DYNC2H1: variants seen among roughly 807,000 people sequenced by gnomAD.
DYNC2H1 encodes the protein dynein cytoplasmic 2 heavy chain 1.
A neutral mutation model predicts 570.0 loss-of-function variants in DYNC2H1; 410 were observed. The ratio of observed to expected loss-of-function variants is 0.72; its 90% CI spans 0.66 to 0.78. The LOEUF is 0.78. Among genes scored for constraint, DYNC2H1 ranks in the 30% least tolerant of loss-of-function variants. The pLI is 0.00. For synonymous variants in DYNC2H1, 1,688 were observed against 1,677.6 expected (o/e 1.01, Z -0.15); for missense variants, 4,865 against 5,046.4 (o/e 0.96, Z 1.09).
intron 82 of DYNC2H1, among the ~76,000 whole-genome samples, chr11:103,357,156 G>A (rs1314703782): frequency 6.6e-6 from 1 of 151,860 alleles, no homozygotes; most frequent in Non-Finnish European, 1.5e-5. Context: ...AGCATAGTTA[G>A]TACTATTCTC....
At chr11:103,408,774 A>G (rs188705510) in intron 84 of DYNC2H1, among the ~76,000 whole-genome samples, 13 of 152,168 alleles carry the variant, frequency 8.5e-5, no homozygotes, top group Admixed American at 7.2e-4. Context: ...TTATTGGGTC[A>G]ATATATGTTA....
In DYNC2H1 at chr11:103,211,973, A is replaced by T. The variant is rs189806258; in HGVS notation, c.8694+30A>T. 830 of 1,487,426 alleles carry T rather than the reference A, an allele frequency of 5.6e-4. 2 individuals are homozygous for T. Among genetic ancestry groups the T allele is most frequent in the Middle Eastern group, 3.2e-3 (15 of 4,646 alleles). The allele number at this position is 1,487,426 out of a possible 1,614,324, so 92.1% of individuals were successfully genotyped here. A position where few individuals can be genotyped will look rare whatever the true frequency, so the allele number is the denominator to read the frequency against. On this transcript the variant is annotated intron_variant, in intron 54 of 88. Transcript: ENST00000375735. ...AGTATTGGTAATCTTGAATTATTTT[A>T]TCTATATATAGGAAACAAGAGTTTT...
chr11:103,194,298 C>CT (rs57051548), intron 47 of DYNC2H1, among the ~76,000 whole-genome samples: 141,558 of 152,068 alleles, frequency 0.93, 65,935 homozygotes, highest in African/African-American at 0.94. Context: ...ATATACCACT[C>CT]TTTTTTTAAC....
In DYNC2H1 at chr11:103,189,791, G is replaced by A; in HGVS notation, c.7412G>A (p.Gly2471Glu). The A allele has an allele frequency of 6.2e-7, 1 of 1,610,634 alleles. No individual in the cohort carries two copies. The highest frequency in any genetic ancestry group is 1.3e-5 in the African/African-American group (1 of 74,866). Reference sequence around the variant, plus strand: ...TCATCAAAAATTTATCTTTTAGCAGGATCTATGGTACAAGTGTATGAACAG... The same window carrying A: ...TCATCAAAAATTTATCTTTTAGCAGAATCTATGGTACAAGTGTATGAACAG... ...GSSSKIYLLAGSMVQVYEQVR... is the reference protein window; with the variant it reads ...GSSSKIYLLAESMVQVYEQVR... Residue 2471 changes from glycine (G) to glutamate (E), a missense_variant, in exon 45 of 89, where the codon GGA becomes GAA. Physicochemically the swap from Gly to Glu is moderately conservative, Grantham distance 98. Around this residue, in one of 5 missense-constraint regions of DYNC2H1, gnomAD observed 2,401 missense variants for 2,454.6 expected, o/e 0.98. Coordinates refer to ENST00000375735, the MANE Select transcript of DYNC2H1 (RefSeq NM_001377.3). The surrounding 1 kb of genome is among the most constrained non-coding windows in gnomAD (Gnocchi z 4.3).
Position 103,396,223 on chromosome 11 carries a change from A to G in DYNC2H1, c.12157-3440A>G, listed in dbSNP as rs555734180. Among the ~76,000 whole-genome samples, 10 of 152,320 alleles carry G rather than the reference A, an allele frequency of 6.6e-5. No individual in the cohort carries two copies. The East Asian group carries it at 1.5e-3, about 24-fold the overall frequency. ...AGGACTCTGATGTTACCTAGACTCT[A>G]TATCAATCCCCATAACACCTTGTAC... is the stretch of plus-strand genomic sequence containing the variant. On this transcript the variant is annotated intron_variant, in intron 83 of 88. Coordinates refer to ENST00000375735, the MANE Select transcript of DYNC2H1 (RefSeq NM_001377.3).
intron 84 of DYNC2H1, chr11:103,404,481 C>A (rs1378552796): frequency 6.7e-6 from 1 of 149,168 alleles, no homozygotes; most frequent in Non-Finnish European, 1.5e-5. Context: ...GATAAGTGAG[C>A]CTACTGATGA....
Position 103,268,335 on chromosome 11 carries a change from A to G in DYNC2H1, c.10695+8358A>G, listed in dbSNP as rs1490668291. On this transcript the variant is annotated intron_variant, in intron 70 of 88. Transcript: ENST00000375735. The surrounding 1 kb of genome is among the most constrained non-coding windows in gnomAD (Gnocchi z 4.6). Reference sequence around the variant, plus strand: ...ATTGTTTTTAAAGTTGTTTATTTCTACCTTCTTCCCTTACCTTGTCATATT... The same window carrying G: ...ATTGTTTTTAAAGTTGTTTATTTCTGCCTTCTTCCCTTACCTTGTCATATT... Among the ~76,000 whole-genome samples the G allele has an allele frequency of 6.6e-6, 1 of 151,868 alleles. No individual in the cohort carries two copies. The highest frequency in any genetic ancestry group is 1.9e-4 in the East Asian group (1 of 5,198).
chr11:103,210,887 A>G (rs955851961), intron 53 of DYNC2H1, among the ~76,000 whole-genome samples: 1 of 152,086 alleles, frequency 6.6e-6, no homozygotes. Flanking sequence ...TTTGGATTCT[A>G]ACTTGCAGGT....
intron 88 of DYNC2H1, among the ~76,000 whole-genome samples, chr11:103,469,234 AAAC>A (rs1255135105): frequency 6.6e-6 from 1 of 152,250 alleles, no homozygotes; most frequent in Non-Finnish European, 1.5e-5. Flanking sequence ...TGGATGAAGA[AAAC>A]AATCTTAAAG....
At chr11:103,290,704 C>G (rs1387653336) in intron 75 of DYNC2H1, among the ~76,000 whole-genome samples, 1 of 152,060 alleles carries the variant, frequency 6.6e-6, no homozygotes, top group East Asian at 1.9e-4. Context: ...CTCTGTTTCT[C>G]CCTTTTTCTT....
At position 103,399,710 on chromosome 11, in the gene DYNC2H1, A is replaced by G. The variant is rs756259051; in HGVS notation, c.12204A>G (p.Gln4068=). 6 of 1,613,776 alleles carry G rather than the reference A, an allele frequency of 3.7e-6. No individual in the cohort carries two copies. The highest frequency in any genetic ancestry group is 2.5e-6 in the Non-Finnish European group (3 of 1,179,788). ...AAGTGCCTCCTCCTAACGATCGACA[A>G]GGATCTCCAATACTGTCATTCATCA... The part of the protein sequence containing the change: ...HQKVPPPNDR[Q]GSPILSFIIL... Residue 4068 remains glutamine (Q), a synonymous_variant, in exon 84 of 89, where the codon CAA becomes CAG. Transcript: ENST00000375735.
At chr11:103,178,860 T>C (rs1354508686) in intron 38 of DYNC2H1, among the ~76,000 whole-genome samples, 166 bp from the exon 39 acceptor site, 1 of 152,090 alleles carries the variant, frequency 6.6e-6, no homozygotes, top group Non-Finnish European at 1.5e-5. Flanking sequence ...TATTACATGA[T>C]ATATATCTGA....
chr11:103,202,749 T>C (rs1277399654), intron 50 of DYNC2H1, among the ~76,000 whole-genome samples: 1 of 152,142 alleles, frequency 6.6e-6, no homozygotes, highest in Admixed American at 6.6e-5. Context: ...TGTTATAGTT[T>C]CTTGTGAATT....
At position 103,362,630 on chromosome 11, in the gene DYNC2H1, T is replaced by C. The variant is rs374174514; in HGVS notation, c.12156+4271T>C. Among the ~76,000 whole-genome samples, 9 of 152,354 alleles carry C rather than the reference T, an allele frequency of 5.9e-5. No homozygotes were observed. In the East Asian group the frequency reaches 9.6e-4, roughly 16 times the overall value. On this transcript the variant is annotated intron_variant, in intron 83 of 88. Coordinates refer to ENST00000375735, the MANE Select transcript of DYNC2H1 (RefSeq NM_001377.3). ...TTCAATTAATCAAGTTTCAGCTTTCTGTCCCTTTGTTTTCTTTGACTTGCC... is the reference window on the plus strand; with the variant it reads ...TTCAATTAATCAAGTTTCAGCTTTCCGTCCCTTTGTTTTCTTTGACTTGCC...
At position 103,168,902 on chromosome 11, in the gene DYNC2H1, A is replaced by G; in HGVS notation, c.4910A>G (p.Asp1637Gly). 6.2e-7 allele frequency: 1 copy of G among 1,613,136 alleles called. No individual in the cohort carries two copies. Among genetic ancestry groups the G allele is most frequent in the Non-Finnish European group, 8.5e-7 (1 of 1,179,476 alleles). Residue 1637 changes from aspartate (D) to glycine (G), a missense_variant, in exon 32 of 89, where the codon GAT (aspartate) becomes GGT (glycine). By Grantham distance (94) the Asp-to-Gly change is moderately conservative. Coordinates refer to ENST00000375735, the MANE Select transcript of DYNC2H1 (RefSeq NM_001377.3). ...KKQLRFYMKS[D>G]HTCCVQMVDS... is the part of the protein sequence containing the mutation. ...CAACTTAGATTCTATATGAAAAGTGATCATACATGTTGTGTTCAAATGGTG... is the reference window on the plus strand; with the variant it reads ...CAACTTAGATTCTATATGAAAAGTGGTCATACATGTTGTGTTCAAATGGTG...
chr11:103,416,618 C>T (rs1258330084), intron 84 of DYNC2H1, among the ~76,000 whole-genome samples: 2 of 152,088 alleles, frequency 1.3e-5, no homozygotes, highest in Non-Finnish European at 2.9e-5. Context: ...ATACAGAAAA[C>T]AAACTGGACC....
rs999636641 is a variant in DYNC2H1, at chr11:103,324,112, C to A, written c.12039+122C>A. The A allele has an allele frequency of 3.1e-5, 14 of 448,942 alleles. No individual in the cohort carries two copies. The highest frequency in any genetic ancestry group is 2.6e-4 in the Admixed American group (6 of 23,006). 27.8% of individuals were successfully genotyped at this position (448,942 alleles called of 1,614,324 possible). On this transcript the variant is annotated intron_variant, in intron 82 of 88. Coordinates refer to ENST00000375735, the MANE Select transcript of DYNC2H1 (RefSeq NM_001377.3). This position sits in a 1 kb window ranked among gnomAD's most constrained non-coding sequence, Gnocchi z 5.2. ...TTATTTAAACATTTTATTTTCACAA[C>A]ACATTCCAGTTTTACTTTAAATATA...
At chr11:103,172,997 G>A in intron 34 of DYNC2H1, 85 bp from the exon 35 acceptor site, 1 of 690,598 alleles carries the variant, frequency 1.4e-6, no homozygotes, top group South Asian at 5.2e-5. Flanking sequence ...TATGTTTATA[G>A]TTTCAAATAT....
intron 63 of DYNC2H1, among the ~76,000 whole-genome samples, chr11:103,242,077 A>G (rs1864443224): frequency 6.6e-6 from 1 of 152,026 alleles, no homozygotes; most frequent in Admixed American, 6.6e-5. Context: ...CATGTGTTCC[A>G]AGACCCTCAG....
Sources: allele counts gnomAD v4.1 joint callset (sites outside exome capture counted in the v4.1 genomes callset), GRCh38; gene constraint gnomAD v4.1.1; regional missense constraint gnomAD v4.1.1; non-coding constraint Gnocchi (gnomAD v3.1); transcripts MANE v1.5; gene names NCBI Gene and HGNC (gene_info 2026-07-23, HGNC 2026-07-21).